FAM178B: variants seen among roughly 807,000 people sequenced by gnomAD.
FAM178B encodes protein FAM178B.
FAM178B carries 82 observed loss-of-function variants against 91.7 expected under a neutral mutation model. The observed-to-expected ratio is 0.89, with a 90% CI of 0.75 to 1.07. The LOEUF (loss-of-function observed/expected upper bound fraction) is 1.07. Among genes scored for constraint, FAM178B ranks in the 50% least tolerant of loss-of-function variants. FAM178B has a pLI of 0.00. For missense variants in FAM178B, 769 were observed against 846.7 expected (o/e 0.91, Z 1.14); for synonymous variants, 368 against 359.4 (o/e 1.02, Z -0.27).
Position 96,876,301 on chromosome 2 carries a change from T to C in FAM178B, c.2015A>G (p.Tyr672Cys). Residue 672 changes from tyrosine (Y) to cysteine (C), a missense_variant, in exon 17 of 17, where the codon TAT becomes TGT. By Grantham distance (194) the Tyr-to-Cys change is radical. Transcript: ENST00000490605. Reference protein sequence around the residue: ...LLTHCQPQAQYFSPWKDI With the variant: ...LLTHCQPQAQCFSPWKDI The stretch of plus-strand genomic sequence containing the variant: ...TTAGATGTCTTTCCAGGGGCTGAAA[T>C]ACTGGGCCTGCGGCGAGGAGAAAAG... The C allele has an allele frequency of 1.2e-6, 2 of 1,605,384 alleles. No individual in the cohort carries two copies. The highest frequency in any genetic ancestry group is 1.7e-6 in the Non-Finnish European group (2 of 1,177,034).
chr2:96,953,308 T>C (rs765630360), intron 6 of FAM178B, among the ~76,000 whole-genome samples: 2 of 152,090 alleles, frequency 1.3e-5, no homozygotes, highest in South Asian at 2.1e-4. Context: ...ACAATACCCA[T>C]GTAAACAATG....
chr2:96,923,623 A>AG, intron 9 of FAM178B, 40 bp from the exon 10 acceptor site: 1 of 1,475,804 alleles, frequency 6.8e-7, no homozygotes, highest in Non-Finnish European at 9.3e-7. Flanking sequence ...GAAACCCAGG[A>AG]GGGGGCACAG....
At chr2:96,893,894 T>G (rs2080743231) in intron 14 of FAM178B, 32 bp downstream of exon 14, 2 of 1,601,366 alleles carry the variant, frequency 1.2e-6, no homozygotes, top group Middle Eastern at 1.8e-4. Flanking sequence ...GGCACCGTGG[T>G]GGAGGCAGGC....
intron 5 of FAM178B, among the ~76,000 whole-genome samples, chr2:96,961,170 T>G (rs1040610286): frequency 6.6e-6 from 1 of 152,180 alleles, no homozygotes; most frequent in Non-Finnish European, 1.5e-5. Flanking sequence ...AGGTGAAAAC[T>G]GTCAGGACTT....
rs377550519 is a variant in FAM178B at position 96,911,439 on chromosome 2, G to A, written c.1563-8732C>T. 1.6e-4 allele frequency among the ~76,000 whole-genome samples: 24 copies of A among 152,354 alleles called. 1 individual carries two copies. In the South Asian group the frequency reaches 3.9e-3, roughly 25 times the overall value. The stretch of plus-strand genomic sequence containing the variant: ...TGGGGTGGCTGCCAAGTTCTAGGAC[G>A]CGGCAAAAGCGTGGAAGCCTGCAGG... On this transcript the variant is annotated intron_variant, in intron 12 of 16. Transcript: ENST00000490605.
At chr2:96,965,093 G>A (rs1172741133) in intron 5 of FAM178B, among the ~76,000 whole-genome samples, 1 of 151,958 alleles carries the variant, frequency 6.6e-6, no homozygotes, top group African/African-American at 2.4e-5. Flanking sequence ...TCCACCTCCC[G>A]GGTTCAAGTG....
intron 13 of FAM178B, 108 bp downstream of exon 13, chr2:96,902,512 A>G: frequency 1.4e-6 from 1 of 740,698 alleles, no homozygotes; most frequent in Non-Finnish European, 2.4e-6. Context: ...ATGAGTAGAG[A>G]GTTCAGAGCC....
chr2:96,971,977 G>C lies in FAM178B; in HGVS notation c.488C>G (p.Pro163Arg), dbSNP rs559244924. The C allele has an allele frequency of 2.6e-6, 4 of 1,562,552 alleles. No individual in the cohort carries two copies. Among genetic ancestry groups the C allele is most frequent in the Admixed American group, 1.9e-5 (1 of 51,928 alleles). ...CTCTGGCAAGGCCAGGCCCCTCTTC[G>C]GGTCCAAGTCCAGGTGTTCCTGCTC... is the stretch of plus-strand genomic sequence containing the variant. The part of the protein sequence containing the change: ...ELEQEHLDLD[P>R]KRGLALPEKL... Residue 163 changes from proline (P) to arginine (R), a missense_variant, in exon 3 of 17, where the codon CCG becomes CGG. Physicochemically the swap from Pro to Arg is moderately radical, Grantham distance 103 (BLOSUM62 -2). Coordinates refer to ENST00000490605, the MANE Select transcript of FAM178B (RefSeq NM_001122646.3).
At chr2:96,885,767 G>A (rs2080503544) in intron 14 of FAM178B, among the ~76,000 whole-genome samples, 1 of 152,118 alleles carries the variant, frequency 6.6e-6, no homozygotes, top group South Asian at 2.1e-4. Context: ...CTCCAGCTGG[G>A]ACCAGAGACC....
intron 8 of FAM178B, among the ~76,000 whole-genome samples, chr2:96,937,953 G>A (rs2081660936): frequency 1.3e-5 from 2 of 152,146 alleles, no homozygotes; most frequent in Admixed American, 6.5e-5. Context: ...ACCTGAGCCC[G>A]AGAGGTCAAG....
intron 10 of FAM178B, 109 bp downstream of exon 10, chr2:96,923,381 G>A (rs1157218250): frequency 2.4e-6 from 2 of 823,234 alleles, no homozygotes; most frequent in African/African-American, 3.4e-5. Context: ...TGCCTGCCAT[G>A]GTGCTGAGCT....
At chr2:96,956,858 T>C (rs926779466) in intron 6 of FAM178B, 65 of 152,258 alleles carry the variant, frequency 4.3e-4, no homozygotes, top group African/African-American at 1.5e-3. Context: ...GACAGCTTTT[T>C]ATTTATTATT....
chr2:96,978,979 T>C (rs1212434837), intron 1 of FAM178B, among the ~76,000 whole-genome samples: 5 of 146,738 alleles, frequency 3.4e-5, no homozygotes, highest in Non-Finnish European at 4.5e-5. Flanking sequence ...TATCACTTTT[T>C]TTTTTTTTTT....
intron 14 of FAM178B, among the ~76,000 whole-genome samples, chr2:96,885,537 A>G (rs948717048): frequency 6.6e-6 from 1 of 152,190 alleles, no homozygotes; most frequent in African/African-American, 2.4e-5. Context: ...AAAGAGATGG[A>G]AGGCTGAGAG....
intron 9 of FAM178B, among the ~76,000 whole-genome samples, chr2:96,925,846 T>C (rs1220909583): frequency 6.6e-6 from 1 of 152,198 alleles, no homozygotes; most frequent in Non-Finnish European, 1.5e-5. Flanking sequence ...CATTCTGACA[T>C]TCTCAGAGGG....
rs564444878 is a variant in FAM178B, at chr2:96,972,105, C to T, written c.360G>A (p.Pro120=). ...WSPPPVEFLN[P]RVLQASREAP... Reference sequence around the variant, plus strand: ...CCTCCCGACTGGCCTGCAGCACCCTCGGGTTGAGGAATTCCACGGGCGGGG... The same window carrying T: ...CCTCCCGACTGGCCTGCAGCACCCTTGGGTTGAGGAATTCCACGGGCGGGG... The change falls in exon 3 of 17, where the codon CCG becomes CCA. Residue 120 remains proline, a synonymous_variant. Coordinates refer to ENST00000490605, the MANE Select transcript of FAM178B (RefSeq NM_001122646.3). 13 of 1,523,180 alleles carry T rather than the reference C, an allele frequency of 8.5e-6. No homozygotes were observed. The East Asian group carries it at 9.8e-5, about 12-fold the overall frequency. The allele number at this position is 1,523,180 out of a possible 1,614,324, so 94.4% of individuals were successfully genotyped here. A position where few individuals can be genotyped will look rare whatever the true frequency, so the allele number is the denominator to read the frequency against.
At chr2:96,895,033 A>G in intron 13 of FAM178B, 1 of 1,288,196 alleles carries the variant, frequency 7.8e-7, no homozygotes, top group Non-Finnish European at 1.0e-6. Context: ...AAGAGAGACC[A>G]TGGACTAAGT....
At chr2:96,963,936 C>T (rs1730124) in intron 5 of FAM178B, among the ~76,000 whole-genome samples, 1 of 152,140 alleles carries the variant, frequency 6.6e-6, no homozygotes, top group African/African-American at 2.4e-5. Context: ...CTTGGGGAGG[C>T]CGAGGCAGGC....
intron 8 of FAM178B, among the ~76,000 whole-genome samples, chr2:96,930,889 C>A (rs2081528683): frequency 6.6e-6 from 1 of 152,168 alleles, no homozygotes; most frequent in African/African-American, 2.4e-5. Context: ...CCTTCTGCCA[C>A]ATAAGGAATT....
Sources: allele counts gnomAD v4.1 joint callset (sites outside exome capture counted in the v4.1 genomes callset), GRCh38; gene constraint gnomAD v4.1.1; transcripts MANE v1.5; gene names NCBI Gene and HGNC (gene_info 2026-07-23, HGNC 2026-07-21).